Variants in GCC2 observed in about 807,000 individuals in gnomAD.
The protein encoded by GCC2 is GRIP and coiled-coil domain containing 2, also known as GRIP and coiled-coil domain-containing protein 2.
GCC2 carries 120 observed loss-of-function variants against 210.6 expected under a neutral mutation model. The observed-to-expected ratio is 0.57, with a 90% CI of 0.49 to 0.66. The LOEUF (loss-of-function observed/expected upper bound fraction) is 0.66, where lower values mean the gene tolerates loss of function less well. Ranked by LOEUF, GCC2 falls within the 30% of genes least tolerant of loss-of-function variation. The probability of loss-of-function intolerance (pLI) is 0.00; values close to 1 mark genes in which losing one functional copy is unlikely to be tolerated. For synonymous variants in GCC2, 703 were observed against 652.7 expected, an observed-to-expected ratio of 1.08 and a Z score of -1.17; for missense variants, 1,868 against 1,871.9, an observed-to-expected ratio of 1.00 and a Z score of 0.04.
At chr2:108,491,753 G>A (rs1682411376) in intron 18 of GCC2, among the ~76,000 whole-genome samples, 1 of 151,356 alleles carries the variant, frequency 6.6e-6, no homozygotes, top group African/African-American at 2.4e-5. Flanking sequence ...TGGATCCCCT[G>A]TATAAAAGGA....
chr2:108,464,389 G>A (rs1324296394), intron 4 of GCC2, among the ~76,000 whole-genome samples: 1 of 152,228 alleles, frequency 6.6e-6, no homozygotes, highest in Non-Finnish European at 1.5e-5. Flanking sequence ...ATCCAGTGGA[G>A]TGGAGGCCAT....
Position 108,487,803 on chromosome 2 carries a change from G to A in GCC2, c.4035G>A (p.Glu1345=), listed in dbSNP as rs770858790. 4 of 1,612,990 alleles carry A rather than the reference G, an allele frequency of 2.5e-6. No individual in the cohort carries two copies. In the Admixed American group the frequency reaches 5.0e-5, roughly 20 times the overall value. Residue 1345 remains glutamate (E), a synonymous_variant, in exon 17 of 23, where the codon GAG becomes GAA. Transcript: ENST00000309863. ...KNKSMSQAET[E]GAKQEREHLE... ...AATCTATGTCTCAGGCTGAAACTGA[G>A]GGCGCTAAACAAGAAAGGTAAAGTC...
At position 108,492,759 on chromosome 2, in the gene GCC2, C is replaced by T. The variant is rs1430049655; in HGVS notation, c.4416C>T (p.Leu1472=). 4 of 1,613,604 alleles carry T rather than the reference C, an allele frequency of 2.5e-6. No homozygotes were observed. Among genetic ancestry groups the T allele is most frequent in the Admixed American group, 1.7e-5 (1 of 60,004 alleles). The part of the protein sequence containing the change: ...QQQLSKMEAQ[L]FQLKNEPTTR... Reference sequence around the variant, plus strand: ...AGCTCTCCAAGATGGAAGCACAGCTCTTCCAGCTTAAGAATGAACCGACCA... The same window carrying T: ...AGCTCTCCAAGATGGAAGCACAGCTTTTCCAGCTTAAGAATGAACCGACCA... The change falls in exon 19 of 23, where the codon CTC becomes CTT. Residue 1472 remains leucine (L), a synonymous_variant. Coordinates refer to ENST00000309863, the MANE Select transcript of GCC2 (RefSeq NM_181453.4).
At chr2:108,500,896 TG>T (rs1190860206) in intron 22 of GCC2, among the ~76,000 whole-genome samples, 12 of 152,190 alleles carry the variant, frequency 7.9e-5, no homozygotes. Flanking sequence ...ACCTAGTTTA[TG>T]TTCATTTTGC....
intron 6 of GCC2, among the ~76,000 whole-genome samples, chr2:108,472,522 A>C (rs1323787887): frequency 6.6e-6 from 1 of 152,084 alleles, no homozygotes; most frequent in Non-Finnish European, 1.5e-5. Context: ...TTTCTTTAAA[A>C]ATTAAAGATT....
rs753198031 is a variant in GCC2 at position 108,489,920 on chromosome 2, C to T, written c.4135C>T (p.Leu1379Phe). The T allele has an allele frequency of 3.1e-6, 5 of 1,609,524 alleles. No individual in the cohort carries two copies. Among genetic ancestry groups the T allele is most frequent in the Admixed American group, 3.4e-5 (2 of 59,662 alleles). The change falls in exon 18 of 23, where the codon CTT (leucine) becomes TTT (phenylalanine). Residue 1379 changes from leucine to phenylalanine, a missense_variant. Physicochemically the swap from Leu to Phe is conservative, Grantham distance 22 (BLOSUM62 0). This residue lies in a region of GCC2 where 1,847 missense variants were observed against 1,765.2 expected (regional missense o/e 1.05). Transcript: ENST00000309863. ...TAACTTACAGATTAATGTATCTGAA[C>T]TTCAAACATTGCAGTCTGAACATGA... The part of the protein sequence containing the change: ...QNNLQINVSE[L>F]QTLQSEHDTL...
intron 5 of GCC2, 71 bp downstream of exon 5, chr2:108,469,155 A>G (rs903495476): frequency 2.3e-6 from 2 of 851,080 alleles, no homozygotes; most frequent in Admixed American, 4.4e-5. Flanking sequence ...TAGAGGTAAG[A>G]CTTTAAAAAG....
intron 16 of GCC2, among the ~76,000 whole-genome samples, chr2:108,487,472 G>C (rs541985028): frequency 6.6e-6 from 1 of 152,156 alleles, no homozygotes; most frequent in South Asian, 2.1e-4. Context: ...AATATCACAT[G>C]CACCCCATAA....
At chr2:108,451,300 C>T (rs1350955702) in intron 3 of GCC2, among the ~76,000 whole-genome samples, 188 bp downstream of exon 3, 3 of 152,204 alleles carry the variant, frequency 2.0e-5, no homozygotes, top group South Asian at 2.1e-4. Flanking sequence ...ATTCCCACAT[C>T]TCTAAACCAC....
chr2:108,505,629 G>A (rs115054893), intron 22 of GCC2, among the ~76,000 whole-genome samples: 5,212 of 151,986 alleles, frequency 0.034, 137 homozygotes, highest in African/African-American at 0.063. Flanking sequence ...TCAGTTTAGC[G>A]GCCTTGAGGA....
intron 9 of GCC2, among the ~76,000 whole-genome samples, chr2:108,480,054 CAA>C (rs1558747620): frequency 6.7e-6 from 1 of 149,338 alleles, no homozygotes. Context: ...GCCAAGGACA[CAA>C]GAGGTCCAGG....
At position 108,489,878 on chromosome 2, in the gene GCC2, T is replaced by C. The variant is rs1048526317; in HGVS notation, c.4093T>C (p.Leu1365=). 1.2e-6 allele frequency: 2 copies of C among 1,607,952 alleles called. No homozygotes were observed. Among genetic ancestry groups the C allele is most frequent in the African/African-American group, 2.7e-5 (2 of 74,788 alleles). ...GCTGATTGACCAGCTAAAAATCAAA[T>C]TACAAGATAGCCAAAATAACTTACA... is the stretch of plus-strand genomic sequence containing the variant. ...EMLIDQLKIK[L]QDSQNNLQIN... The change falls in exon 18 of 23, where the codon TTA becomes CTA. Residue 1365 remains leucine, a synonymous_variant. Coordinates refer to ENST00000309863, the MANE Select transcript of GCC2 (RefSeq NM_181453.4).
intron 21 of GCC2, among the ~76,000 whole-genome samples, chr2:108,498,597 T>G (rs974114732): frequency 6.6e-6 from 1 of 152,226 alleles, no homozygotes; most frequent in African/African-American, 2.4e-5. Flanking sequence ...GTTCGCTAAC[T>G]TTCTTGCCTA....
chr2:108,485,906 A>AAAGT lies in GCC2; in HGVS notation c.3792+2_3792+5dup. The AAAGT allele has an allele frequency of 6.5e-7, 1 of 1,527,318 alleles. No homozygotes were observed. Among genetic ancestry groups the AAAGT allele is most frequent in the Admixed American group, 2.0e-5 (1 of 50,938 alleles). The allele number at this position is 1,527,318 out of a possible 1,614,324, so 94.6% of individuals were successfully genotyped here. A position where few individuals can be genotyped will look rare whatever the true frequency, so the allele number is the denominator to read the frequency against. ...AAGCCAGCAGCAAGTAGAAGTCTAT[A>AAAGT]AAGTAAGGGTTTTACTTTTTAAGAT... On this transcript the variant is annotated frameshift_variant and splice_region_variant, in exon 15 of 23. Coordinates refer to ENST00000309863, the MANE Select transcript of GCC2 (RefSeq NM_181453.4). LOFTEE classifies it high-confidence loss of function.
chr2:108,501,135 A>G (rs1682908097), intron 22 of GCC2, among the ~76,000 whole-genome samples: 1 of 151,706 alleles, frequency 6.6e-6, no homozygotes, highest in African/African-American at 2.4e-5. Context: ...AGCTGGGACT[A>G]CAGATGCACG....
Position 108,470,185 on chromosome 2 carries a change from G to A in GCC2, c.856G>A (p.Ala286Thr). The A allele has an allele frequency of 6.2e-7, 1 of 1,613,246 alleles. No homozygotes were observed. The change falls in exon 6 of 23, where the codon GCA becomes ACA. Residue 286 changes from alanine to threonine, a missense_variant. By Grantham distance (58) the Ala-to-Thr change is moderately conservative. Around this residue, in one of 3 missense-constraint regions of GCC2, gnomAD observed 1,847 missense variants for 1,765.2 expected, o/e 1.05. Coordinates refer to ENST00000309863, the MANE Select transcript of GCC2 (RefSeq NM_181453.4). The part of the protein sequence containing the change: ...LKENLVKQCE[A>T]SEKNIQKKYE... ...AGAGAACTTAGTAAAACAATGTGAG[G>A]CAAGTGAAAAGAACATCCAGAAGAA...
At chr2:108,484,383 C>T in intron 13 of GCC2, 72 bp downstream of exon 13, 2 of 838,630 alleles carry the variant, frequency 2.4e-6, no homozygotes, top group Non-Finnish European at 3.6e-6. Flanking sequence ...GGGGGCATTA[C>T]TTGTTTATTT....
At chr2:108,482,142 T>A in intron 10 of GCC2, 145 bp from the exon 11 acceptor site, 1 of 579,284 alleles carries the variant, frequency 1.7e-6, no homozygotes, top group Non-Finnish European at 3.0e-6. Context: ...TAAAACTGAT[T>A]CTTAATATTA....
At chr2:108,493,604 CTTCCA>C in intron 19 of GCC2, 2 of 985,442 alleles carry the variant, frequency 2.0e-6, no homozygotes, top group Non-Finnish European at 2.4e-6. Flanking sequence ...CACCCAGTAT[CTTCCA>C]TTCTGCTTCC....
Sources: gnomAD v4.1 joint callset for allele counts (sites outside exome capture counted in the v4.1 genomes callset) on GRCh38, gnomAD v4.1.1 for gene constraint, gnomAD v4.1.1 regional missense constraint, MANE v1.5 for transcripts, NCBI Gene and HGNC (gene_info 2026-07-23, HGNC 2026-07-21) for gene names.